Variants in NLGN1 observed in about 807,000 individuals in gnomAD.
The protein encoded by NLGN1 is neuroligin 1.
In NLGN1, 12 loss-of-function variants were observed where a neutral mutation model predicts 65.5. That is an observed-to-expected ratio of 0.18 (90% CI 0.12 to 0.30). The LOEUF (loss-of-function observed/expected upper bound fraction) is 0.30, where lower values mean the gene tolerates loss of function less well. NLGN1 is among the 10% of genes least tolerant of loss of function. The pLI is 1.00. For missense variants in NLGN1, 750 were observed against 1,007.1 expected (o/e 0.74, Z 3.46); for synonymous variants, 350 against 359.5 (o/e 0.97, Z 0.30).
chr3:174,285,068 G>A (rs1313088756), exon 7 of NLGN1: 4 of 151,380 alleles, frequency 2.6e-5, no homozygotes, highest in East Asian at 3.9e-4. Flanking sequence ...CCTGACATAC[G>A]TATTAATATC....
exon 3 of NLGN1, chr3:173,604,319 G>A (rs1751028065): frequency 9.9e-6 from 4 of 402,982 alleles, no homozygotes; most frequent in Non-Finnish European, 1.8e-5. Context: ...TTATAAGAGA[G>A]AAATCTGCAG....
At chr3:173,880,084 A>C (rs139402022) in intron 4 of NLGN1, among the ~76,000 whole-genome samples, 2,639 of 152,282 alleles carry the variant, frequency 0.017, 23 homozygotes, top group Middle Eastern at 0.031. Context: ...AAATCCAAAA[A>C]GATTTTCTTC....
At chr3:173,824,154 A>C (rs1400198974) in intron 4 of NLGN1, among the ~76,000 whole-genome samples, 1 of 152,144 alleles carries the variant, frequency 6.6e-6, no homozygotes, top group East Asian at 1.9e-4. Context: ...TTAAATCCAC[A>C]TAATAGTCTT....
At chr3:174,085,715 C>T (rs1421510609) in intron 4 of NLGN1, among the ~76,000 whole-genome samples, 1 of 151,938 alleles carries the variant, frequency 6.6e-6, no homozygotes, top group Non-Finnish European at 1.5e-5. Flanking sequence ...ATCTAATGGG[C>T]AAATTTCTAA....
chr3:173,629,355 A>G (rs542903289), intron 3 of NLGN1, among the ~76,000 whole-genome samples: 139 of 152,124 alleles, frequency 9.1e-4, no homozygotes, highest in African/African-American at 3.3e-3. Flanking sequence ...GGCTCAAACA[A>G]TCCTCCATTC....
chr3:173,495,994 A>G (rs1223866992), intron 2 of NLGN1, among the ~76,000 whole-genome samples: 2 of 151,368 alleles, frequency 1.3e-5, no homozygotes, highest in Non-Finnish European at 1.5e-5. Flanking sequence ...GTAATTGACA[A>G]TTTTCAATTC....
chr3:173,819,440 CTCT>C (rs1234908882), intron 4 of NLGN1, among the ~76,000 whole-genome samples: 1 of 152,146 alleles, frequency 6.6e-6, no homozygotes, highest in Non-Finnish European at 1.5e-5. Context: ...AATTACTTTG[CTCT>C]TCTTCTTGTC....
intron 2 of NLGN1, among the ~76,000 whole-genome samples, chr3:173,530,963 T>A (rs1681815170): frequency 6.6e-6 from 1 of 152,142 alleles, no homozygotes; most frequent in African/African-American, 2.4e-5. Flanking sequence ...AATTTTCCAG[T>A]TCTACCATTT....
chr3:173,909,246 G>A lies in NLGN1; in HGVS notation c.646+101414G>A, dbSNP rs116631976. Among the ~76,000 whole-genome samples the A allele has an allele frequency of 5.7e-3, 860 of 152,160 alleles. 8 individuals are homozygous for A. Among genetic ancestry groups the A allele is most frequent in the African/African-American group, 0.019 (794 of 41,522 alleles). On this transcript the variant is annotated intron_variant, in intron 4 of 6. Coordinates refer to ENST00000457714, the Ensembl canonical transcript of NLGN1. ...AAGATAAAAAAAAAGCCCAGACAAT[G>A]GCATTTGGCACCTAGAAGAGAAAAG...
At chr3:174,278,366 C>A (rs895478713) in intron 5 of NLGN1, among the ~76,000 whole-genome samples, 4 of 151,834 alleles carry the variant, frequency 2.6e-5, no homozygotes, top group African/African-American at 9.7e-5. Flanking sequence ...ATTGTATGAG[C>A]CTTCAAGAAT....
chr3:173,634,811 C>T (rs781417079), intron 3 of NLGN1, among the ~76,000 whole-genome samples: 8 of 152,116 alleles, frequency 5.3e-5, no homozygotes, highest in Non-Finnish European at 1.2e-4. Context: ...ACATCTGAGA[C>T]AGAGAGAGCT....
intron 4 of NLGN1, among the ~76,000 whole-genome samples, chr3:173,852,355 CAAAAAAAAAAAAA>C (rs71162367): frequency 2.1e-4 from 10 of 46,654 alleles, no homozygotes; most frequent in South Asian, 1.9e-3. Context: ...GACTCCGTCT[CAAAAAAAAAAAAA>C]AAAAAAAAAA....
intron 4 of NLGN1, among the ~76,000 whole-genome samples, chr3:174,255,718 G>T (rs768744299): frequency 1.3e-4 from 19 of 151,646 alleles, no homozygotes; most frequent in Non-Finnish European, 2.5e-4. Context: ...GAGTGCAATA[G>T]TGTGATCTCG....
intron 4 of NLGN1, chr3:174,202,913 C>T (rs1734747428): frequency 6.6e-6 from 1 of 152,152 alleles, no homozygotes; most frequent in South Asian, 2.1e-4. Context: ...TCTTGTTGGT[C>T]AAGTGAATTG....
chr3:173,447,301 G>GCAC (rs1277531108), intron 2 of NLGN1, among the ~76,000 whole-genome samples: 1 of 152,112 alleles, frequency 6.6e-6, no homozygotes, highest in Non-Finnish European at 1.5e-5. Context: ...AGTTTTCCCA[G>GCAC]CACCATTTAT....
chr3:173,625,630 A>G (rs1754707559), intron 3 of NLGN1, among the ~76,000 whole-genome samples: 1 of 152,162 alleles, frequency 6.6e-6, no homozygotes, highest in Non-Finnish European at 1.5e-5. Flanking sequence ...ACTTTTATGT[A>G]CTAGTTATAG....
chr3:173,754,717 A>G (rs1776835215), intron 3 of NLGN1, among the ~76,000 whole-genome samples: 1 of 152,142 alleles, frequency 6.6e-6, no homozygotes, highest in South Asian at 2.1e-4. Flanking sequence ...ATTCAAATAC[A>G]TTGTCCAAGT....
chr3:173,434,642 G>A (rs1010358677), intron 1 of NLGN1, among the ~76,000 whole-genome samples: 3 of 152,146 alleles, frequency 2.0e-5, no homozygotes, highest in Non-Finnish European at 4.4e-5. Flanking sequence ...AGGATCAAGA[G>A]CTAAGTTCCT....
chr3:173,795,220 T>A (rs1023078124), intron 3 of NLGN1, among the ~76,000 whole-genome samples: 2 of 152,148 alleles, frequency 1.3e-5, no homozygotes, highest in Non-Finnish European at 2.9e-5. Flanking sequence ...TGCACTGATA[T>A]GGATTCTTTT....
Sources: allele counts gnomAD v4.1 joint callset (sites outside exome capture counted in the v4.1 genomes callset), GRCh38; gene constraint gnomAD v4.1.1; transcripts MANE v1.5; gene names NCBI Gene and HGNC (gene_info 2026-07-23, HGNC 2026-07-21).